The following TNFSF4 variants were observed in gnomAD, a reference collection of about 807,000 sequenced individuals.
The protein encoded by TNFSF4 is tumor necrosis factor ligand superfamily member 4.
In TNFSF4, 4 loss-of-function variants were observed where a neutral mutation model predicts 7.3. The ratio of observed to expected loss-of-function variants is 0.55; its 90% CI spans 0.27 to 1.25. The LOEUF is 1.25. Ranked by LOEUF, TNFSF4 falls within the 50% of genes most tolerant of loss-of-function variation. The pLI, the probability that TNFSF4 is intolerant of heterozygous loss-of-function variation, is 0.12. For synonymous variants in TNFSF4, 76 were observed against 83.7 expected (o/e 0.91, Z 0.50); for missense variants, 181 against 208.8 (o/e 0.87, Z 0.82).
chr1:173,397,949 G>A, the TNFSF4 span, among the ~76,000 whole-genome samples: 2 of 152,136 alleles, frequency 1.3e-5, no homozygotes, highest in Non-Finnish European at 2.9e-5. Context: ...AGCTTAACTA[G>A]GTGGTGACTC....
At chr1:173,189,600 G>C (rs541775979) in intron 1 of TNFSF4, among the ~76,000 whole-genome samples, 12 of 152,032 alleles carry the variant, frequency 7.9e-5, no homozygotes, top group African/African-American at 2.2e-4. Context: ...GTGGTTAAAA[G>C]AACAAATAAG....
the TNFSF4 span, among the ~76,000 whole-genome samples, chr1:173,212,999 A>T: frequency 6.6e-6 from 1 of 152,174 alleles, no homozygotes; most frequent in Non-Finnish European, 1.5e-5. Context: ...TTTGCCTGCA[A>T]TAGAGCTGAA....
chr1:173,295,394 C>T, the TNFSF4 span, among the ~76,000 whole-genome samples: 1 of 151,896 alleles, frequency 6.6e-6, no homozygotes, highest in African/African-American at 2.4e-5. Context: ...AAATACTAAC[C>T]TATAATAAAA....
the TNFSF4 span, among the ~76,000 whole-genome samples, chr1:173,444,817 A>T: frequency 6.6e-6 from 1 of 152,222 alleles, no homozygotes; most frequent in Non-Finnish European, 1.5e-5. Context: ...GCTTATGAAG[A>T]GCATACAAAA....
chr1:173,323,094 T>C, the TNFSF4 span, among the ~76,000 whole-genome samples: 3 of 152,166 alleles, frequency 2.0e-5, no homozygotes, highest in East Asian at 5.8e-4. Context: ...CCTCCTCAAG[T>C]GGGTCCCTGA....
At chr1:173,403,217 T>C in the TNFSF4 span, among the ~76,000 whole-genome samples, 1 of 152,154 alleles carries the variant, frequency 6.6e-6, no homozygotes, top group Non-Finnish European at 1.5e-5. Flanking sequence ...GGACCACACT[T>C]TGAGTAACAC....
the TNFSF4 span, among the ~76,000 whole-genome samples, chr1:173,271,688 A>T: frequency 2.6e-4 from 39 of 152,234 alleles, 1 homozygote; most frequent in South Asian, 6.2e-4. Context: ...CATTAAAAAG[A>T]CAGGAAACAA....
At chr1:173,246,564 A>G in the TNFSF4 span, among the ~76,000 whole-genome samples, 3 of 152,174 alleles carry the variant, frequency 2.0e-5, no homozygotes, top group South Asian at 6.2e-4. Flanking sequence ...CCTCTATACT[A>G]TTTTCAAACT....
chr1:173,372,628 G>A, the TNFSF4 span, among the ~76,000 whole-genome samples: 1 of 152,140 alleles, frequency 6.6e-6, no homozygotes, highest in Admixed American at 6.5e-5. Flanking sequence ...ATAATACAAG[G>A]AAAGAATCTC....
chr1:173,409,911 G>C, the TNFSF4 span, among the ~76,000 whole-genome samples: 4 of 152,148 alleles, frequency 2.6e-5, no homozygotes, highest in African/African-American at 9.7e-5. Context: ...CCCTCCTGCT[G>C]CATTCAAGGT....
chr1:173,277,361 G>A, the TNFSF4 span, among the ~76,000 whole-genome samples: 1 of 152,128 alleles, frequency 6.6e-6, no homozygotes, highest in African/African-American at 2.4e-5. Flanking sequence ...AAACTTGGGA[G>A]TCTGAGAGAT....
the TNFSF4 span, among the ~76,000 whole-genome samples, chr1:173,427,698 AT>A: frequency 6.6e-6 from 1 of 152,148 alleles, no homozygotes. Context: ...AGGTGATTTC[AT>A]TGTGTAAATA....
At chr1:173,442,752 T>C in the TNFSF4 span, among the ~76,000 whole-genome samples, 1 of 151,918 alleles carries the variant, frequency 6.6e-6, no homozygotes, top group South Asian at 2.1e-4. Flanking sequence ...GGTTTCACCA[T>C]GTTGGTCAGG....
At chr1:173,186,976 T>G (rs1649255900) in intron 2 of TNFSF4, 111 bp from the exon 3 acceptor site, 2 of 737,526 alleles carry the variant, frequency 2.7e-6, no homozygotes, top group Admixed American at 5.9e-5. Flanking sequence ...GGAGAGATTT[T>G]GAAAAGAGTA....
the TNFSF4 span, among the ~76,000 whole-genome samples, chr1:173,373,056 C>T: frequency 1.3e-5 from 2 of 152,232 alleles, no homozygotes; most frequent in South Asian, 2.1e-4. Flanking sequence ...AGCCTTAGAA[C>T]GGAGAAAGGG....
the TNFSF4 span, among the ~76,000 whole-genome samples, chr1:173,384,146 A>C: frequency 6.6e-6 from 1 of 152,240 alleles, no homozygotes; most frequent in Non-Finnish European, 1.5e-5. Flanking sequence ...TATTTATTGC[A>C]TGCTAAAGGG....
chr1:173,345,357 C>T, the TNFSF4 span, among the ~76,000 whole-genome samples: 2 of 152,016 alleles, frequency 1.3e-5, no homozygotes, highest in Non-Finnish European at 1.5e-5. Context: ...ATTGCCAATG[C>T]CAAAGAAAAC....
At chr1:173,197,223 G>C (rs772903701) in intron 1 of TNFSF4, among the ~76,000 whole-genome samples, 3 of 152,212 alleles carry the variant, frequency 2.0e-5, no homozygotes, top group Admixed American at 2.0e-4. Context: ...TTACACTGTT[G>C]GTGGGAATGT....
At chr1:173,380,690 T>C in the TNFSF4 span, among the ~76,000 whole-genome samples, 1 of 152,132 alleles carries the variant, frequency 6.6e-6, no homozygotes, top group Non-Finnish European at 1.5e-5. Flanking sequence ...TGGTTCCTAG[T>C]AGATACAGAA....
Sources: allele counts gnomAD v4.1 joint callset (sites outside exome capture counted in the v4.1 genomes callset), GRCh38; gene constraint gnomAD v4.1.1; transcripts MANE v1.5; gene names NCBI Gene and HGNC (gene_info 2026-07-23, HGNC 2026-07-21).